The following CDH18 variants were observed in gnomAD, a reference collection of about 807,000 sequenced individuals.
CDH18 encodes the protein cadherin-18.
A neutral mutation model predicts 67.9 loss-of-function variants in CDH18; 31 were observed. The ratio of observed to expected loss-of-function variants is 0.46; its 90% CI spans 0.34 to 0.62. The LOEUF (loss-of-function observed/expected upper bound fraction) is 0.62, where lower values mean the gene tolerates loss of function less well. CDH18 is among the 20% of genes least tolerant of loss of function. The pLI, the probability that CDH18 is intolerant of heterozygous loss-of-function variation, is 0.01. For missense variants in CDH18, 890 were observed against 975.5 expected (o/e 0.91, Z 1.17); for synonymous variants, 362 against 347.2 (o/e 1.04, Z -0.48).
intron 2 of CDH18, among the ~76,000 whole-genome samples, chr5:20,014,125 GCT>G (rs1737687782): frequency 6.6e-6 from 1 of 152,108 alleles, no homozygotes; most frequent in African/African-American, 2.4e-5. Flanking sequence ...TAGAGGTACT[GCT>G]CTTTCAAATT....
At chr5:20,095,427 G>GA (rs755952803) in intron 2 of CDH18, among the ~76,000 whole-genome samples, 12 of 122,944 alleles carry the variant, frequency 9.8e-5, no homozygotes, top group South Asian at 2.8e-4. Flanking sequence ...AAGAAAGAAA[G>GA]AAAGAAAGAA....
At chr5:19,857,891 A>T (rs1784476050) in intron 2 of CDH18, among the ~76,000 whole-genome samples, 1 of 152,208 alleles carries the variant, frequency 6.6e-6, no homozygotes, top group Non-Finnish European at 1.5e-5. Context: ...ATTATTTTTA[A>T]AATCTTGACC....
intron 5 of CDH18, among the ~76,000 whole-genome samples, chr5:19,634,707 GT>G (rs753635614): frequency 2.2e-4 from 33 of 152,062 alleles, no homozygotes; most frequent in African/African-American, 7.7e-4. Flanking sequence ...GAGCCTGAGG[GT>G]GGGTGGATCA....
chr5:20,504,048 A>G (rs907574049), intron 1 of CDH18, among the ~76,000 whole-genome samples: 6 of 152,064 alleles, frequency 3.9e-5, no homozygotes, highest in African/African-American at 1.4e-4. Context: ...GAAAAAAAAA[A>G]AAAGAGAGAG....
chr5:20,474,364 G>A (rs1752293076), intron 1 of CDH18, among the ~76,000 whole-genome samples: 2 of 152,100 alleles, frequency 1.3e-5, no homozygotes, highest in African/African-American at 4.8e-5. Context: ...TCCACTAGGT[G>A]CTCCAATCAC....
chr5:19,889,171 T>C (rs1455852458), intron 2 of CDH18, among the ~76,000 whole-genome samples: 2 of 152,090 alleles, frequency 1.3e-5, no homozygotes, highest in African/African-American at 4.8e-5. Flanking sequence ...ACAAAGCCAA[T>C]CATCAGGTCT....
intron 1 of CDH18, among the ~76,000 whole-genome samples, chr5:20,354,670 C>T (rs774361302): frequency 2.8e-4 from 42 of 152,236 alleles, no homozygotes; most frequent in Admixed American, 9.8e-4. Flanking sequence ...CCTAGGTGTC[C>T]CAAAGTGCTG....
chr5:20,416,429 G>T (rs1038012210), intron 1 of CDH18, among the ~76,000 whole-genome samples: 2 of 152,022 alleles, frequency 1.3e-5, no homozygotes, highest in African/African-American at 4.8e-5. Flanking sequence ...AAATGAAAAT[G>T]CATCATAATA....
At position 19,472,632 on chromosome 5, in the gene CDH18, T is replaced by C. The variant is rs1056918566; in HGVS notation, c.*594A>G. Among the ~76,000 whole-genome samples the C allele has an allele frequency of 6.6e-6, 1 of 152,076 alleles. No individual in the cohort carries two copies. The highest frequency in any genetic ancestry group is 1.5e-5 in the Non-Finnish European group (1 of 68,018). Reference sequence around the variant, plus strand: ...GCAAATCCCCATGCTCCATCAGTTTTGTATGGAGAAAAGAACTGGGGAGGG... The same window carrying C: ...GCAAATCCCCATGCTCCATCAGTTTCGTATGGAGAAAAGAACTGGGGAGGG... On this transcript the variant is annotated 3_prime_UTR_variant, in exon 13 of 13. Transcript: ENST00000382275.
At chr5:20,458,877 C>A (rs187368776) in intron 1 of CDH18, among the ~76,000 whole-genome samples, 3 of 152,256 alleles carry the variant, frequency 2.0e-5, no homozygotes, top group East Asian at 3.9e-4. Context: ...GTATAATGGT[C>A]TTTTCCTTTC....
rs990488982 is a variant in CDH18 at position 19,503,522 on chromosome 5, G to A, written c.1513-413C>T. Among the ~76,000 whole-genome samples the A allele has an allele frequency of 3.3e-5, 5 of 152,170 alleles. No individual in the cohort carries two copies. The East Asian group carries it at 9.7e-4, about 29-fold the overall frequency. On this transcript the variant is annotated intron_variant, in intron 10 of 12. Coordinates refer to ENST00000382275, the MANE Select transcript of CDH18 (RefSeq NM_004934.5). ...CTGTATGTTGGTCTAAGTAGTAAAT[G>A]CAAGAACAGTGGAGTCTTGGTTTTA... is the stretch of plus-strand genomic sequence containing the variant.
rs199682033 is a variant in CDH18, at chr5:19,770,611, C to CA, written c.229-23376dup. ...GCAAATCCATCCAAACTTTCCATGC[C>CA]AAAAAAAAAGGAAAAAAAGAAAAGG... On this transcript the variant is annotated intron_variant, in intron 3 of 12. Coordinates refer to ENST00000382275, the MANE Select transcript of CDH18 (RefSeq NM_004934.5). 5.0e-4 allele frequency among the ~76,000 whole-genome samples: 38 copies of CA among 75,336 alleles called. 1 individual carries two copies. The highest frequency in any genetic ancestry group is 6.4e-4 in the Non-Finnish European group (16 of 24,866). 49.4% of individuals were successfully genotyped at this position (75,336 alleles called of 152,430 possible).
Position 20,199,768 on chromosome 5 carries a change from G to A in CDH18, c.-518+55676C>T, listed in dbSNP as rs532613264. Reference sequence around the variant, plus strand: ...ACATGTCATGGGAAGAACCCAATAGGAGGTAATTGAATCATGGGGGTGGTT... The same window carrying A: ...ACATGTCATGGGAAGAACCCAATAGAAGGTAATTGAATCATGGGGGTGGTT... On this transcript the variant is annotated intron_variant, in intron 2 of 14. Coordinates refer to the CDH18 transcript ENST00000507958. 4.6e-5 allele frequency among the ~76,000 whole-genome samples: 7 copies of A among 152,224 alleles called. No individual in the cohort carries two copies. The East Asian group carries it at 1.2e-3, about 25-fold the overall frequency.
At chr5:19,782,791 A>G (rs1275007102) in intron 3 of CDH18, among the ~76,000 whole-genome samples, 1 of 152,110 alleles carries the variant, frequency 6.6e-6, no homozygotes, top group Non-Finnish European at 1.5e-5. Context: ...TCATGATGTA[A>G]ATGTTTCTTC....
chr5:19,560,708 CAGTAG>C (rs1259178186), intron 8 of CDH18, among the ~76,000 whole-genome samples: 5 of 152,022 alleles, frequency 3.3e-5, no homozygotes, highest in African/African-American at 1.2e-4. Flanking sequence ...AAGAAATAAT[CAGTAG>C]AGTAAACAGA....
chr5:19,798,663 T>C (rs186100961), intron 3 of CDH18, among the ~76,000 whole-genome samples: 7 of 152,206 alleles, frequency 4.6e-5, no homozygotes, highest in African/African-American at 1.7e-4. Context: ...TAATTTGAAA[T>C]TATATTACAT....
intron 2 of CDH18, among the ~76,000 whole-genome samples, chr5:20,165,066 A>T (rs2126626857): frequency 6.6e-6 from 1 of 152,270 alleles, no homozygotes. Context: ...TTGACATACA[A>T]TTTAAATCCA....
At chr5:20,069,491 C>T (rs1743270144) in intron 2 of CDH18, among the ~76,000 whole-genome samples, 1 of 152,136 alleles carries the variant, frequency 6.6e-6, no homozygotes, top group African/African-American at 2.4e-5. Context: ...CAGCTCACTG[C>T]AACCTCCACC....
At chr5:19,721,752 A>G (rs1266617828) in intron 4 of CDH18, among the ~76,000 whole-genome samples, 6 of 152,212 alleles carry the variant, frequency 3.9e-5, no homozygotes, top group Non-Finnish European at 8.8e-5. Flanking sequence ...TCATTAAAAA[A>G]GCAATAAAAT....
Sources: gnomAD v4.1 joint callset for allele counts (sites outside exome capture counted in the v4.1 genomes callset) on GRCh38, gnomAD v4.1.1 for gene constraint, MANE v1.5 for transcripts, NCBI Gene and HGNC (gene_info 2026-07-23, HGNC 2026-07-21) for gene names.